The following MYDGF variants were observed in gnomAD, a reference collection of about 807,000 sequenced individuals.
The protein encoded by MYDGF is myeloid-derived growth factor.
Under a neutral mutation model 24.2 loss-of-function variants are expected in MYDGF, and 29 were observed. That is an observed-to-expected ratio of 1.20 (90% CI 0.89 to 1.63). The LOEUF (loss-of-function observed/expected upper bound fraction) is 1.63, where lower values mean the gene tolerates loss of function less well. Among genes scored for constraint, MYDGF ranks in the 40% most tolerant of loss-of-function variants. The pLI is 0.00. For synonymous variants in MYDGF, 105 were observed against 102.5 expected, an observed-to-expected ratio of 1.02 and a Z score of -0.15; for missense variants, 245 against 234.8, an observed-to-expected ratio of 1.04 and a Z score of -0.29.
At chr19:4,660,964 A>ATTTT (rs10718244) in intron 3 of MYDGF, among the ~76,000 whole-genome samples, 1 of 99,220 alleles carries the variant, frequency 1.0e-5, no homozygotes, top group East Asian at 2.8e-4. Context: ...TTGTGCCAGA[A>ATTTT]TTTTTTTTTT....
At chr19:4,667,515 G>A (rs1375697839) in intron 2 of MYDGF, among the ~76,000 whole-genome samples, 1 of 151,872 alleles carries the variant, frequency 6.6e-6, no homozygotes, top group African/African-American at 2.4e-5. Flanking sequence ...CAGGTGATTC[G>A]CCAGCCTTGG....
intron 5 of MYDGF, 55 bp downstream of exon 5, chr19:4,659,876 G>A (rs754069889): frequency 6.5e-7 from 1 of 1,540,822 alleles, no homozygotes; most frequent in Non-Finnish European, 9.0e-7. Flanking sequence ...TGCCCCGATT[G>A]CCCACCCTTG....
At chr19:4,668,843 C>T (rs1180115887) in intron 1 of MYDGF, 198 bp from the exon 2 acceptor site, 3 of 484,498 alleles carry the variant, frequency 6.2e-6, no homozygotes, top group South Asian at 2.2e-5. Context: ...CCACCACACC[C>T]GACTAATTTT....
chr19:4,660,933 C>A (rs117291236), intron 3 of MYDGF, among the ~76,000 whole-genome samples, 183 bp from the exon 4 acceptor site: 3,524 of 151,306 alleles, frequency 0.023, 67 homozygotes, highest in Non-Finnish European at 0.037. Flanking sequence ...GGGGCCCTCT[C>A]AACAGCAGAC....
At chr19:4,668,952 T>A (rs1244927295) in intron 1 of MYDGF, among the ~76,000 whole-genome samples, 1 of 151,840 alleles carries the variant, frequency 6.6e-6, no homozygotes, top group Non-Finnish European at 1.5e-5. Context: ...CAAACGATTC[T>A]CCTGCCTCAG....
chr19:4,665,820 CA>C (rs533879529), intron 2 of MYDGF, among the ~76,000 whole-genome samples: 163 of 45,446 alleles, frequency 3.6e-3, no homozygotes, highest in Non-Finnish European at 5.9e-3. Flanking sequence ...GACTCTGTCT[CA>C]AAAAAAAAAA....
intron 1 of MYDGF, 84 bp downstream of exon 1, chr19:4,670,077 C>T: frequency 1.5e-6 from 2 of 1,350,500 alleles, no homozygotes; most frequent in Non-Finnish European, 1.9e-6. Flanking sequence ...TCCGCGCCCC[C>T]TCCTCGGGCC....
Position 4,659,476 on chromosome 19 carries a change from G to A in MYDGF, c.442+455C>T, listed in dbSNP as rs147883227. ...TGACCTCAAGTGTTCCGCCCGCCTC[G>A]TCCTCCCAAAGTGCTGGGATTACAG... On this transcript the variant is annotated intron_variant, in intron 5 of 5. Transcript: ENST00000262947. Among the ~76,000 whole-genome samples, 1,412 of 152,040 alleles carry A rather than the reference G, an allele frequency of 9.3e-3. 25 individuals are homozygous for A. The highest frequency in any genetic ancestry group is 0.032 in the African/African-American group (1,328 of 41,456).
chr19:4,662,586 G>A (rs2088479719), intron 3 of MYDGF, among the ~76,000 whole-genome samples: 3 of 152,154 alleles, frequency 2.0e-5, no homozygotes, highest in Non-Finnish European at 2.9e-5. Flanking sequence ...ATCGGGCGGT[G>A]TCTGGGGAGA....
rs769062230 is a variant in MYDGF at position 4,660,765 on chromosome 19, G to A, written c.288-15C>T. ...TCCCCTGGGGCCTGCAGAGGAAGAG[G>A]GGGCGAGGGAGTCAGGCCAGGCCTG... On this transcript the variant is annotated splice_polypyrimidine_tract_variant and intron_variant, in intron 3 of 5. Transcript: ENST00000262947. The A allele has an allele frequency of 8.1e-6, 13 of 1,611,216 alleles. No individual in the cohort carries two copies. The highest frequency in any genetic ancestry group is 1.1e-5 in the Non-Finnish European group (13 of 1,178,312).
Position 4,664,933 on chromosome 19 carries a change from C to A in MYDGF, c.230G>T (p.Trp77Leu). 1 of 1,612,842 alleles carries A rather than the reference C, an allele frequency of 6.2e-7. No homozygotes were observed. Among genetic ancestry groups the A allele is most frequent in the Non-Finnish European group, 8.5e-7 (1 of 1,179,772 alleles). ...TTCGCTGGTCCCCAGACTCATCTGCCATTGCTGGGGAGAGAAGACAGCGCG... is the reference window on the plus strand; with the variant it reads ...TTCGCTGGTCCCCAGACTCATCTGCAATTGCTGGGGAGAGAAGACAGCGCG... ...YASQGGTNEQ[W>L]QMSLGTSEDH... The change falls in exon 3 of 6, where the codon TGG (tryptophan) becomes TTG (leucine). Residue 77 changes from tryptophan (W) to leucine (L), a missense_variant. Physicochemically the swap from Trp to Leu is moderately conservative, Grantham distance 61. Transcript: ENST00000262947.
Position 4,668,594 on chromosome 19 carries a change from C to G in MYDGF, c.225+1G>C, listed in dbSNP as rs111741122. The stretch of plus-strand genomic sequence containing the variant: ...GCTAGAGGGAATTTTGAACAACTCA[C>G]CTCATTGGTCCCTCCTTGAGAGGCG... On this transcript the variant is annotated splice_donor_variant, in intron 2 of 5. Coordinates refer to ENST00000262947, the MANE Select transcript of MYDGF (RefSeq NM_019107.4). LOFTEE classifies it high-confidence loss of function. 1 of 1,610,638 alleles carries G rather than the reference C, an allele frequency of 6.2e-7. No individual in the cohort carries two copies. The highest frequency in any genetic ancestry group is 8.5e-7 in the Non-Finnish European group (1 of 1,177,012).
chr19:4,660,127 G>A (rs1033066083), intron 4 of MYDGF, 124 bp from the exon 5 acceptor site: 1 of 974,332 alleles, frequency 1.0e-6, no homozygotes, highest in Non-Finnish European at 1.6e-6. Flanking sequence ...AGATGGAGAG[G>A]AGACTTTTTT....
chr19:4,660,700 CG>C lies in MYDGF; in HGVS notation c.337del (p.Arg113GlyfsTer24). 6.2e-7 allele frequency: 1 copy of C among 1,614,080 alleles called. No individual in the cohort carries two copies. The highest frequency in any genetic ancestry group is 8.5e-7 in the Non-Finnish European group (1 of 1,180,012). ...CATGGCGTACTCAATCTCAGCGCCC[CG>C]CACCTCTGCCTTGAACTGTGTGAAG... ...LYFTQFKAEV[R>X]GAEIEYAMAY... On this transcript the variant is annotated frameshift_variant, in exon 4 of 6. Transcript: ENST00000262947. LOFTEE classifies it high-confidence loss of function.
intron 3 of MYDGF, among the ~76,000 whole-genome samples, chr19:4,661,836 G>A (rs1044787996): frequency 6.6e-6 from 1 of 152,110 alleles, no homozygotes; most frequent in Non-Finnish European, 1.5e-5. Context: ...GAGCTTTTGT[G>A]GGGGTTGGAC....
chr19:4,670,106 G>C, intron 1 of MYDGF, 55 bp downstream of exon 1: 1 of 1,371,594 alleles, frequency 7.3e-7, no homozygotes, highest in South Asian at 1.8e-5. Flanking sequence ...AATGCTCCGC[G>C]CCCCCTCCCC....
chr19:4,664,489 CAA>C (rs397958176), intron 3 of MYDGF, among the ~76,000 whole-genome samples: 14 of 87,850 alleles, frequency 1.6e-4, no homozygotes, highest in African/African-American at 1.7e-4. Context: ...GACTCCATCT[CAA>C]AAAAAAAAAA....
intron 3 of MYDGF, among the ~76,000 whole-genome samples, chr19:4,663,508 CCA>C (rs2088492408): frequency 8.6e-6 from 1 of 116,798 alleles, no homozygotes; most frequent in African/African-American, 3.4e-5. Context: ...TGTGCACTCT[CCA>C]CCCACCCCAT....
chr19:4,668,617 G>A lies in MYDGF; in HGVS notation c.203C>T (p.Ala68Val), dbSNP rs780186597. Residue 68 changes from alanine (A) to valine (V), a missense_variant, in exon 2 of 6, where the codon GCC becomes GTC. Coordinates refer to ENST00000262947, the MANE Select transcript of MYDGF (RefSeq NM_019107.4). ...GDKYTCMFTY[A>V]SQGGTNEQWQ... Reference sequence around the variant, plus strand: ...CACCTCATTGGTCCCTCCTTGAGAGGCGTAAGTGAACATACACGTATATTT... The same window carrying A: ...CACCTCATTGGTCCCTCCTTGAGAGACGTAAGTGAACATACACGTATATTT... 5.6e-6 allele frequency: 9 copies of A among 1,613,294 alleles called. No individual in the cohort carries two copies. Among genetic ancestry groups the A allele is most frequent in the Non-Finnish European group, 6.8e-6 (8 of 1,179,460 alleles).
Sources: allele counts gnomAD v4.1 joint callset (sites outside exome capture counted in the v4.1 genomes callset), GRCh38; gene constraint gnomAD v4.1.1; transcripts MANE v1.5; gene names NCBI Gene and HGNC (gene_info 2026-07-23, HGNC 2026-07-21).